TRPM3: variants seen among roughly 807,000 people sequenced by gnomAD.
TRPM3 encodes the protein transient receptor potential cation channel subfamily M member 3.
In TRPM3, 77 loss-of-function variants were observed where a neutral mutation model predicts 181.2. The observed-to-expected ratio is 0.42, with a 90% CI of 0.35 to 0.51. The LOEUF (loss-of-function observed/expected upper bound fraction) is 0.51, where lower values mean the gene tolerates loss of function less well. TRPM3 is among the 20% of genes least tolerant of loss of function. The pLI, the probability that TRPM3 is intolerant of heterozygous loss-of-function variation, is 0.01. For missense variants in TRPM3, 1,759 were observed against 2,196.7 expected (o/e 0.80, Z 3.98); for synonymous variants, 745 against 796.4 (o/e 0.94, Z 1.09).
chr9:70,671,908 C>A (rs1358632713), intron 9 of TRPM3, among the ~76,000 whole-genome samples: 6 of 149,564 alleles, frequency 4.0e-5, no homozygotes, highest in Admixed American at 4.0e-4. Flanking sequence ...GGATTACAGG[C>A]ATGTGCCACC....
At chr9:70,974,132 T>C (rs1366875245) in intron 1 of TRPM3, among the ~76,000 whole-genome samples, 3 of 152,226 alleles carry the variant, frequency 2.0e-5, no homozygotes, top group Non-Finnish European at 2.9e-5. Flanking sequence ...TCTCTTTGTA[T>C]AGCGTAGTAA....
intron 1 of TRPM3, among the ~76,000 whole-genome samples, chr9:71,256,446 A>C (rs1166179322): frequency 6.6e-6 from 1 of 152,186 alleles, no homozygotes; most frequent in Non-Finnish European, 1.5e-5. Context: ...ACTGGTACAT[A>C]AGGAGAATGA....
chr9:71,281,521 A>G (rs1426287879), intron 1 of TRPM3, among the ~76,000 whole-genome samples: 1 of 152,088 alleles, frequency 6.6e-6, no homozygotes, highest in Non-Finnish European at 1.5e-5. Flanking sequence ...AATCCGCTCA[A>G]TATATTTGAA....
At chr9:70,630,025 C>G (rs781237353) in intron 12 of TRPM3, among the ~76,000 whole-genome samples, 9 of 152,146 alleles carry the variant, frequency 5.9e-5, no homozygotes, top group Admixed American at 1.3e-4. Flanking sequence ...GGCCAATGGC[C>G]TTGACCACTG....
intron 1 of TRPM3, among the ~76,000 whole-genome samples, chr9:71,420,951 A>G (rs372995496): frequency 6.9e-6 from 1 of 144,856 alleles, no homozygotes; most frequent in African/African-American, 2.6e-5. Flanking sequence ...GGGAGAGAAA[A>G]AGGGAGAGAA....
At chr9:71,295,061 A>T (rs67176266) in intron 1 of TRPM3, among the ~76,000 whole-genome samples, 28,743 of 152,084 alleles carry the variant, frequency 0.19, 2,802 homozygotes, top group African/African-American at 0.25. Flanking sequence ...GGATATTAAA[A>T]ATAGAGGTGT....
intron 1 of TRPM3, among the ~76,000 whole-genome samples, chr9:70,877,830 C>CACACACACACACACACACAT (rs1554756943): frequency 4.6e-5 from 7 of 150,922 alleles, no homozygotes; most frequent in Non-Finnish European, 7.4e-5. Flanking sequence ...CACACACACA[C>CACACACACACACACACACAT]TCCCATGAAA....
chr9:71,152,496 A>G (rs993214994), intron 1 of TRPM3, among the ~76,000 whole-genome samples: 2 of 152,170 alleles, frequency 1.3e-5, no homozygotes, highest in African/African-American at 4.8e-5. Context: ...TTTCCATTTA[A>G]CTAGATCATT....
At chr9:71,427,648 C>A (rs2093888070) in intron 1 of TRPM3, among the ~76,000 whole-genome samples, 1 of 152,156 alleles carries the variant, frequency 6.6e-6, no homozygotes, top group Non-Finnish European at 1.5e-5. Context: ...CGTATGCAAA[C>A]TAACACAAAA....
intron 5 of TRPM3, among the ~76,000 whole-genome samples, chr9:70,838,207 T>TC (rs1564525723): frequency 6.6e-6 from 1 of 152,184 alleles, no homozygotes; most frequent in Non-Finnish European, 1.5e-5. Flanking sequence ...AATTCAGTCC[T>TC]CATTTTGGGG....
chr9:70,694,316 A>G (rs1215452684), intron 8 of TRPM3, among the ~76,000 whole-genome samples: 6 of 152,094 alleles, frequency 3.9e-5, no homozygotes, highest in Non-Finnish European at 8.8e-5. Flanking sequence ...CTAGCTGGTG[A>G]CTGGAGATCT....
chr9:71,075,838 A>AATGTT (rs2063379610), intron 1 of TRPM3, among the ~76,000 whole-genome samples: 1 of 152,224 alleles, frequency 6.6e-6, no homozygotes, highest in African/African-American at 2.4e-5. Context: ...TCTTAATTGT[A>AATGTT]ATGTTCATGT....
chr9:70,877,888 T>G (rs924385570), intron 1 of TRPM3, among the ~76,000 whole-genome samples: 9 of 151,650 alleles, frequency 5.9e-5, no homozygotes, highest in Non-Finnish European at 1.3e-4. Flanking sequence ...GATTATTCAT[T>G]AAAACTGTCA....
At chr9:71,416,783 A>G (rs1459803048) in intron 1 of TRPM3, among the ~76,000 whole-genome samples, 1 of 151,928 alleles carries the variant, frequency 6.6e-6, no homozygotes, top group Non-Finnish European at 1.5e-5. Flanking sequence ...CTACCACCAT[A>G]AGATACAGAA....
chr9:70,761,448 A>G (rs762533839), intron 8 of TRPM3, 153 bp downstream of exon 8: 22 of 940,286 alleles, frequency 2.3e-5, no homozygotes, highest in Non-Finnish European at 3.8e-5. Flanking sequence ...TTAGTTACTT[A>G]GGAGAGGAAG....
intron 22 of TRPM3, among the ~76,000 whole-genome samples, chr9:70,576,261 G>C (rs954551985): frequency 1.3e-5 from 2 of 152,172 alleles, no homozygotes; most frequent in African/African-American, 4.8e-5. Context: ...CTCCCTTCCT[G>C]ATTTCCTAAT....
At chr9:71,091,531 G>A (rs183981558) in intron 1 of TRPM3, among the ~76,000 whole-genome samples, 128 of 152,146 alleles carry the variant, frequency 8.4e-4, no homozygotes, top group African/African-American at 3.0e-3. Flanking sequence ...AGTTGTTGCC[G>A]TTACCTTGAG....
At chr9:70,555,322 C>T (rs995403088) in intron 22 of TRPM3, among the ~76,000 whole-genome samples, 1 of 152,170 alleles carries the variant, frequency 6.6e-6, no homozygotes, top group Admixed American at 6.5e-5. Context: ...TCCCAGAGCA[C>T]CCTCTGCCTG....
intron 1 of TRPM3, among the ~76,000 whole-genome samples, chr9:71,197,709 G>C (rs982478968): frequency 2.6e-5 from 4 of 151,526 alleles, no homozygotes; most frequent in African/African-American, 7.3e-5. Context: ...CCCACTTTTT[G>C]ATGGGGTTGT....
Sources: allele counts gnomAD v4.1 joint callset (sites outside exome capture counted in the v4.1 genomes callset), GRCh38; gene constraint gnomAD v4.1.1; transcripts MANE v1.5; gene names NCBI Gene and HGNC (gene_info 2026-07-23, HGNC 2026-07-21).